Variants in KLRC1 observed in about 807,000 individuals in gnomAD.
The protein encoded by KLRC1 is NKG2-A/NKG2-B type II integral membrane protein.
A neutral mutation model predicts 25.9 loss-of-function variants in KLRC1; 22 were observed. The ratio of observed to expected loss-of-function variants is 0.85; its 90% CI spans 0.61 to 1.21. The LOEUF (loss-of-function observed/expected upper bound fraction) is 1.21, where lower values mean the gene tolerates loss of function less well. KLRC1 is among the 50% of genes most tolerant of loss of function. The pLI is 0.00. For synonymous variants in KLRC1, 77 were observed against 93.1 expected (o/e 0.83, Z 0.99); for missense variants, 240 against 272.2 (o/e 0.88, Z 0.83).
intron 6 of KLRC1, 58 bp downstream of exon 6, chr12:10,447,474 C>A: frequency 7.6e-7 from 1 of 1,320,618 alleles, no homozygotes; most frequent in Non-Finnish European, 1.1e-6. Context: ...TCATATTATT[C>A]TTCTGAATTT....
upstream of KLRC1, among the ~76,000 whole-genome samples, chr12:10,454,134 G>A (rs147191846): frequency 4.6e-5 from 7 of 152,330 alleles, no homozygotes; most frequent in African/African-American, 1.7e-4. Flanking sequence ...TTACTAGGAG[G>A]AAAGTCAGTA....
intron 3 of KLRC1, 178 bp downstream of exon 3, chr12:10,450,306 T>C (rs1864094874): frequency 1.9e-6 from 1 of 521,614 alleles, no homozygotes; most frequent in Admixed American, 3.7e-5. Flanking sequence ...CAGAAGCGAA[T>C]ACTTTCAACA....
intron 1 of KLRC1, among the ~76,000 whole-genome samples, chr12:10,452,926 G>T (rs887636744): frequency 6.6e-6 from 1 of 151,994 alleles, no homozygotes; most frequent in Admixed American, 6.6e-5. Flanking sequence ...AAAATTAATT[G>T]TTCATTATTG....
At chr12:10,450,032 T>C in intron 3 of KLRC1, 65 bp from the exon 4 acceptor site, 1 of 1,127,468 alleles carries the variant, frequency 8.9e-7, no homozygotes, top group Non-Finnish European at 1.1e-6. Context: ...TAATTTTAAG[T>C]TTTTGTTTGA....
upstream of KLRC1, chr12:10,453,449 T>C (rs1218905269): frequency 7.5e-5 from 54 of 718,982 alleles, no homozygotes; most frequent in Non-Finnish European, 8.7e-5. Context: ...TATTGTGAAA[T>C]CAGTTTTATC....
downstream of KLRC1, among the ~76,000 whole-genome samples, chr12:10,444,319 T>C (rs955784076): frequency 4.8e-5 from 7 of 146,404 alleles, no homozygotes; most frequent in Non-Finnish European, 1.1e-4. Flanking sequence ...GGTATTTTCA[T>C]TGAAAATGCT....
At chr12:10,443,460 G>A (rs1489403574), downstream of KLRC1, among the ~76,000 whole-genome samples, 1 of 99,064 alleles carries the variant, frequency 1.0e-5, no homozygotes, top group Non-Finnish European at 2.1e-5. Context: ...CATAATGTAA[G>A]ATTAATTTTC....
downstream of KLRC1, among the ~76,000 whole-genome samples, chr12:10,443,467 T>A (rs1236337466): frequency 2.8e-5 from 2 of 71,394 alleles, no homozygotes; most frequent in Non-Finnish European, 5.7e-5. Flanking sequence ...TAAGATTAAT[T>A]TTCCAAACCA....
At position 10,453,304 on chromosome 12, in the gene KLRC1, T is replaced by A. The variant is rs1864159872; in HGVS notation, c.-138A>T. ...AAAAGGTGAAATTTAAAGGCATAAATCCAAGACAAGAACAAACAATGCCTG... is the reference window on the plus strand; with the variant it reads ...AAAAGGTGAAATTTAAAGGCATAAAACCAAGACAAGAACAAACAATGCCTG... On this transcript the variant is annotated 5_prime_UTR_variant, in exon 1 of 7. Transcript: ENST00000359151. 1.0e-6 allele frequency: 1 copy of A among 985,338 alleles called. No homozygotes were observed. The highest frequency in any genetic ancestry group is 1.2e-6 in the Non-Finnish European group (1 of 829,876). 61.0% of individuals were successfully genotyped at this position (985,338 alleles called of 1,614,324 possible).
At chr12:10,453,971 C>T (rs1864168479), upstream of KLRC1, among the ~76,000 whole-genome samples, 1 of 152,036 alleles carries the variant, frequency 6.6e-6, no homozygotes, top group South Asian at 2.1e-4. Context: ...TATTAGCATA[C>T]CAGAAATTGA....
chr12:10,444,197 A>T (rs1863945580), downstream of KLRC1, among the ~76,000 whole-genome samples: 1 of 141,646 alleles, frequency 7.1e-6, no homozygotes, highest in Non-Finnish European at 1.5e-5. Flanking sequence ...AAAATAAATT[A>T]AAAATAGAAA....
Position 10,449,327 on chromosome 12 carries a change from A to G in KLRC1, c.399T>C (p.Ile133=). Residue 133 remains isoleucine, a synonymous_variant, in exon 5 of 7, where the codon ATT becomes ATC. Coordinates refer to ENST00000359151, the MANE Select transcript of KLRC1 (RefSeq NM_002259.5). ...CTTCCCAAGTTCTTCTTTCCTTACCAATGTAGTAACAACTGTTGGAATATG... is the reference window on the plus strand; with the variant it reads ...CTTCCCAAGTTCTTCTTTCCTTACCGATGTAGTAACAACTGTTGGAATATG... The part of the protein sequence containing the change: ...WITYSNSCYY[I]GKERRTWEES... 6.2e-7 allele frequency: 1 copy of G among 1,614,000 alleles called. No homozygotes were observed. The highest frequency in any genetic ancestry group is 8.5e-7 in the Non-Finnish European group (1 of 1,179,910).
At chr12:10,444,285 A>G (rs1391444003), downstream of KLRC1, among the ~76,000 whole-genome samples, 1 of 145,090 alleles carries the variant, frequency 6.9e-6, no homozygotes, top group Non-Finnish European at 1.5e-5. Context: ...ATAATGTTAC[A>G]ATAGAGAGAA....
chr12:10,445,241 A>C (rs1185850978), downstream of KLRC1, among the ~76,000 whole-genome samples: 1 of 152,110 alleles, frequency 6.6e-6, no homozygotes, highest in Non-Finnish European at 1.5e-5. Flanking sequence ...TATGAGGGAA[A>C]TATACAATGA....
intron 4 of KLRC1, among the ~76,000 whole-genome samples, chr12:10,449,690 T>C (rs1156442258): frequency 6.6e-6 from 1 of 152,206 alleles, no homozygotes; most frequent in Admixed American, 6.5e-5. Flanking sequence ...AAATAACTTG[T>C]ATCTTATCAT....
chr12:10,445,102 T>C (rs529462473), downstream of KLRC1, among the ~76,000 whole-genome samples: 30 of 151,980 alleles, frequency 2.0e-4, no homozygotes, highest in South Asian at 6.0e-3. Context: ...GTATTTTTAG[T>C]ACAGATGGGG....
At chr12:10,445,323 T>C (rs1161721807), downstream of KLRC1, among the ~76,000 whole-genome samples, 1 of 152,186 alleles carries the variant, frequency 6.6e-6, no homozygotes, top group Non-Finnish European at 1.5e-5. Flanking sequence ...TATAAAATGT[T>C]ATATAAATAC....
At chr12:10,445,618 T>C (rs1455245581), downstream of KLRC1, among the ~76,000 whole-genome samples, 2 of 152,058 alleles carry the variant, frequency 1.3e-5, no homozygotes, top group African/African-American at 4.8e-5. Context: ...AGCATATAGA[T>C]TAAAAAAATA....
chr12:10,447,722 T>C (rs1018741522), intron 5 of KLRC1, 90 bp from the exon 6 acceptor site: 2 of 1,028,418 alleles, frequency 1.9e-6, no homozygotes, highest in Non-Finnish European at 2.8e-6. Flanking sequence ...CTATTTGCAG[T>C]GCCAAAAACT....
Sources: allele counts gnomAD v4.1 joint callset (sites outside exome capture counted in the v4.1 genomes callset), GRCh38; gene constraint gnomAD v4.1.1; transcripts MANE v1.5; gene names NCBI Gene and HGNC (gene_info 2026-07-23, HGNC 2026-07-21).